AGK: variants seen among roughly 807,000 people sequenced by gnomAD.
AGK encodes acylglycerol kinase.
In AGK, 52 loss-of-function variants were observed where a neutral mutation model predicts 66.4. That is an observed-to-expected ratio of 0.78 (90% confidence interval 0.63 to 0.99). AGK has a LOEUF of 0.99. Ranked by LOEUF, AGK falls within the 50% of genes least tolerant of loss-of-function variation. AGK has a pLI of 0.00. For missense variants in AGK, 451 were observed against 506.6 expected, an observed-to-expected ratio of 0.89 and a Z score of 1.05; for synonymous variants, 182 against 181.1, an observed-to-expected ratio of 1.00 and a Z score of -0.04.
At chr7:141,572,884 C>T (rs1795637756) in intron 2 of AGK, among the ~76,000 whole-genome samples, 1 of 152,214 alleles carries the variant, frequency 6.6e-6, no homozygotes, top group East Asian at 1.9e-4. Flanking sequence ...ACTTTTGGTG[C>T]AGATTATGGT....
chr7:141,584,993 A>G (rs1273743312), intron 2 of AGK, among the ~76,000 whole-genome samples: 1 of 152,214 alleles, frequency 6.6e-6, no homozygotes, highest in Non-Finnish European at 1.5e-5. Flanking sequence ...CTTTGGTAGC[A>G]GGTAGTGCAT....
At chr7:141,615,995 G>T (rs2116964416) in intron 8 of AGK, 1 of 159,016 alleles carries the variant, frequency 6.3e-6, no homozygotes, top group Non-Finnish European at 1.4e-5. Flanking sequence ...GCTAAAACAA[G>T]TAAATATAGC....
intron 4 of AGK, among the ~76,000 whole-genome samples, chr7:141,600,643 G>C (rs1011367491): frequency 6.6e-6 from 1 of 152,140 alleles, no homozygotes; most frequent in Admixed American, 6.5e-5. Context: ...TTTTTAGAAC[G>C]CTTCCAGTCT....
In AGK at chr7:141,654,938, C is replaced by T. The variant is rs1306893272; in HGVS notation, c.*2014C>T. 1 of 152,170 alleles carries T rather than the reference C, an allele frequency of 6.6e-6. No homozygotes were observed. Among genetic ancestry groups the T allele is most frequent in the African/African-American group, 2.4e-5 (1 of 41,412 alleles). 9.4% of individuals were successfully genotyped at this position (152,170 alleles called of 1,614,324 possible). A position where few individuals can be genotyped will look rare whatever the true frequency, so the allele number is the denominator to read the frequency against. ...ATTTCTGCTTTTGGCAAAAACATAACAGACGGTTCCAAACATCAGCATAAA... is the reference window on the plus strand; with the variant it reads ...ATTTCTGCTTTTGGCAAAAACATAATAGACGGTTCCAAACATCAGCATAAA... On this transcript the variant is annotated 3_prime_UTR_variant, in exon 16 of 16. Transcript: ENST00000649286.
intron 7 of AGK, among the ~76,000 whole-genome samples, chr7:141,615,057 T>G (rs151086183): frequency 2.6e-5 from 4 of 152,222 alleles, no homozygotes; most frequent in African/African-American, 9.6e-5. Context: ...AGATAGTTTA[T>G]AAAGCACCTT....
intron 10 of AGK, among the ~76,000 whole-genome samples, chr7:141,635,401 C>T (rs1043708166): frequency 1.3e-5 from 2 of 152,074 alleles, no homozygotes; most frequent in African/African-American, 4.8e-5. Context: ...AGGTAACTGC[C>T]TGAGTTGAGA....
intron 10 of AGK, among the ~76,000 whole-genome samples, chr7:141,636,707 C>T (rs1205486129): frequency 6.6e-6 from 1 of 152,144 alleles, no homozygotes; most frequent in Non-Finnish European, 1.5e-5. Context: ...CTCAAGGAGC[C>T]TGGTTATATA....
intron 2 of AGK, among the ~76,000 whole-genome samples, chr7:141,558,232 A>T (rs1795257357): frequency 6.6e-6 from 1 of 151,618 alleles, no homozygotes; most frequent in South Asian, 2.1e-4. Flanking sequence ...ATCTTGGCTC[A>T]CTGCAACCTC....
intron 13 of AGK, among the ~76,000 whole-genome samples, chr7:141,645,632 C>G (rs928056495): frequency 6.6e-6 from 1 of 152,142 alleles, no homozygotes; most frequent in African/African-American, 2.4e-5. Context: ...GAGAGAAAGT[C>G]TTCATTGCTT....
chr7:141,601,404 C>T (rs534272780), intron 5 of AGK, 124 bp downstream of exon 5: 1 of 661,642 alleles, frequency 1.5e-6, no homozygotes, highest in African/African-American at 1.9e-5. Flanking sequence ...GTATCCTGTT[C>T]TGACAATTAA....
intron 2 of AGK, among the ~76,000 whole-genome samples, chr7:141,574,030 A>G (rs2116883052): frequency 6.6e-6 from 1 of 152,192 alleles, no homozygotes; most frequent in East Asian, 1.9e-4. Flanking sequence ...TGTATATGCA[A>G]ATACATAATG....
intron 7 of AGK, among the ~76,000 whole-genome samples, chr7:141,614,891 A>G (rs1356691984): frequency 6.6e-6 from 1 of 152,250 alleles, no homozygotes; most frequent in Non-Finnish European, 1.5e-5. Context: ...TACAATAGCT[A>G]GAAGATCCTT....
intron 5 of AGK, 61 bp downstream of exon 5, chr7:141,601,341 C>T: frequency 1.5e-6 from 2 of 1,331,214 alleles, no homozygotes; most frequent in Non-Finnish European, 2.1e-6. Flanking sequence ...ACAACCTCTT[C>T]TCTTGGCTTC....
chr7:141,632,957 T>C (rs892619351), intron 9 of AGK, among the ~76,000 whole-genome samples: 6 of 152,218 alleles, frequency 3.9e-5, no homozygotes, highest in Non-Finnish European at 8.8e-5. Flanking sequence ...GAATGTGGTG[T>C]TGGGGGAAGC....
At chr7:141,602,478 C>A (rs1422708904) in intron 5 of AGK, among the ~76,000 whole-genome samples, 1 of 151,974 alleles carries the variant, frequency 6.6e-6, no homozygotes, top group African/African-American at 2.4e-5. Context: ...TAATTGACAT[C>A]AGGTTGTTCA....
intron 2 of AGK, among the ~76,000 whole-genome samples, chr7:141,592,737 T>C (rs1292840264): frequency 1.3e-5 from 2 of 152,162 alleles, no homozygotes; most frequent in Non-Finnish European, 2.9e-5. Flanking sequence ...AGAGTCTCGC[T>C]CTGTCGCCCG....
chr7:141,596,740 A>G, intron 4 of AGK, 99 bp downstream of exon 4: 1 of 1,065,928 alleles, frequency 9.4e-7, no homozygotes, highest in Non-Finnish European at 1.4e-6. Flanking sequence ...AATTGGAAGA[A>G]CTAGGTTTAG....
intron 2 of AGK, among the ~76,000 whole-genome samples, chr7:141,582,895 A>G (rs1281897562): frequency 6.6e-6 from 1 of 151,606 alleles, no homozygotes; most frequent in Non-Finnish European, 1.5e-5. Flanking sequence ...GGAGGAGGGG[A>G]GAGGTCAGAT....
intron 15 of AGK, chr7:141,652,510 A>G (rs1414423477): frequency 1.0e-5 from 3 of 287,186 alleles, no homozygotes; most frequent in East Asian, 1.2e-4. Flanking sequence ...AATTATAACC[A>G]TGTTGTTCAA....
Sources: allele counts gnomAD v4.1 joint callset (sites outside exome capture counted in the v4.1 genomes callset), GRCh38; gene constraint gnomAD v4.1.1; transcripts MANE v1.5; gene names NCBI Gene and HGNC (gene_info 2026-07-23, HGNC 2026-07-21).